Variants in VRK3 observed in about 807,000 individuals in gnomAD.
The protein encoded by VRK3 is VRK serine/threonine kinase 3.
VRK3 carries 50 observed loss-of-function variants against 60.4 expected under a neutral mutation model. The ratio of observed to expected loss-of-function variants is 0.83; its 90% CI spans 0.66 to 1.05. The LOEUF is 1.05. Ranked by LOEUF, VRK3 falls within the 50% of genes least tolerant of loss-of-function variation. The pLI is 0.00. For synonymous variants in VRK3, 246 were observed against 227.8 expected, an observed-to-expected ratio of 1.08 and a Z score of -0.72; for missense variants, 549 against 585.3, an observed-to-expected ratio of 0.94 and a Z score of 0.64.
intron 12 of VRK3, among the ~76,000 whole-genome samples, chr19:49,986,040 TAATA>T (rs1001640916): frequency 1.8e-4 from 28 of 152,292 alleles, no homozygotes; most frequent in African/African-American, 6.3e-4. Context: ...GACAAGTGTA[TAATA>T]AATGTTAGCT....
At chr19:50,023,429 C>T (rs1056113191) in intron 1 of VRK3, among the ~76,000 whole-genome samples, 2 of 152,334 alleles carry the variant, frequency 1.3e-5, no homozygotes, top group South Asian at 4.1e-4. Context: ...AGGTGATCCC[C>T]CTCAGCCTCC....
At chr19:50,015,903 TG>T in intron 3 of VRK3, 120 bp downstream of exon 3, 1 of 1,391,218 alleles carries the variant, frequency 7.2e-7, no homozygotes, top group Non-Finnish European at 1.0e-6. Context: ...TCCTGAGGCC[TG>T]GGCTTCTCCA....
rs192735691 is a variant in VRK3, at chr19:50,014,172, C to G, written c.139+1852G>C. Among the ~76,000 whole-genome samples the G allele has an allele frequency of 7.4e-4, 112 of 152,218 alleles. 2 individuals are homozygous for G. The East Asian group carries it at 0.02, about 27-fold the overall frequency. On this transcript the variant is annotated intron_variant, in intron 3 of 14. Transcript: ENST00000316763. Reference sequence around the variant, plus strand: ...ATCCCAACTACTCGGGAGACTGAGGCACAAGAATCACTTGAACTCGGGAGG... The same window carrying G: ...ATCCCAACTACTCGGGAGACTGAGGGACAAGAATCACTTGAACTCGGGAGG...
chr19:49,998,118 C>G (rs2076737117), intron 6 of VRK3: 1 of 152,214 alleles, frequency 6.6e-6, no homozygotes, highest in Admixed American at 6.5e-5. Flanking sequence ...TGGAAAACTG[C>G]CCCTGACTTT....
intron 3 of VRK3, among the ~76,000 whole-genome samples, chr19:50,014,075 T>C (rs1292781588): frequency 6.6e-6 from 1 of 151,964 alleles, no homozygotes; most frequent in African/African-American, 2.4e-5. Flanking sequence ...AAGACCAGCC[T>C]GGCCAACGTG....
In VRK3 at chr19:49,980,910, G is replaced by A. The variant is rs369137874; in HGVS notation, c.1276+45C>T. 91 of 1,568,790 alleles carry A rather than the reference G, an allele frequency of 5.8e-5. No homozygotes were observed. The African/African-American group carries it at 1.1e-3, about 20-fold the overall frequency. Reference sequence around the variant, plus strand: ...CCCCAAGATGGATCTGAGCCACCAGGTCCTGCCCGAGTCCCCGCCTGTTCC... The same window carrying A: ...CCCCAAGATGGATCTGAGCCACCAGATCCTGCCCGAGTCCCCGCCTGTTCC... On this transcript the variant is annotated intron_variant, in intron 13 of 14. Coordinates refer to ENST00000316763, the MANE Select transcript of VRK3 (RefSeq NM_016440.4).
chr19:49,989,908 A>C (rs2076581437), intron 10 of VRK3, 137 bp from the exon 11 acceptor site: 1 of 1,057,294 alleles, frequency 9.5e-7, no homozygotes, highest in Admixed American at 3.5e-5. Flanking sequence ...GCATGCTCAT[A>C]GTAAAAATGA....
Position 49,992,867 on chromosome 19 carries a change from T to C in VRK3, c.956A>G (p.Gln319Arg), listed in dbSNP as rs2123121795. The change falls in exon 10 of 15, where the codon CAG (glutamine) becomes CGG (arginine). Residue 319 changes from glutamine (Q) to arginine (R), a missense_variant. Transcript: ENST00000316763. ...AENIFVDPED[Q>R]SQVTLAGYGF... ...GCAGGAGCTGGCTCTTACCTGACTCTGGTCCTCTGGATCCACAAAGATATT... is the reference window on the plus strand; with the variant it reads ...GCAGGAGCTGGCTCTTACCTGACTCCGGTCCTCTGGATCCACAAAGATATT... The C allele has an allele frequency of 6.2e-7, 1 of 1,614,096 alleles. No individual in the cohort carries two copies. Among genetic ancestry groups the C allele is most frequent in the Admixed American group, 1.7e-5 (1 of 60,030 alleles).
chr19:49,985,569 CCCA>C (rs2076499299), intron 12 of VRK3, among the ~76,000 whole-genome samples: 1 of 152,182 alleles, frequency 6.6e-6, no homozygotes, highest in African/African-American at 2.4e-5. Flanking sequence ...GCTGCACACC[CCCA>C]CCAACAGTCC....
At chr19:49,990,466 A>G (rs2123098822) in intron 10 of VRK3, among the ~76,000 whole-genome samples, 1 of 152,210 alleles carries the variant, frequency 6.6e-6, no homozygotes, top group East Asian at 1.9e-4. Context: ...GGCTCACTGC[A>G]GCCTCCTAGG....
intron 5 of VRK3, 191 bp from the exon 6 acceptor site, chr19:50,001,045 T>G: frequency 1.7e-6 from 1 of 572,888 alleles, no homozygotes; most frequent in Non-Finnish European, 3.1e-6. Context: ...TCTCTGTCAC[T>G]ATCCAGCCAT....
chr19:50,004,954 A>T (rs1485596290), intron 5 of VRK3, among the ~76,000 whole-genome samples: 1 of 138,102 alleles, frequency 7.2e-6, no homozygotes, highest in Non-Finnish European at 1.5e-5. Context: ...CCTAGGTGTT[A>T]GCCACGGCCC....
chr19:50,001,032 TTC>T (rs1281069257), intron 5 of VRK3, 178 bp from the exon 6 acceptor site: 1 of 598,446 alleles, frequency 1.7e-6, no homozygotes. Context: ...TTCTTCCTCT[TTC>T]TCTCTGTCAC....
intron 6 of VRK3, 110 bp downstream of exon 6, chr19:50,000,680 C>T: frequency 7.5e-7 from 1 of 1,324,750 alleles, no homozygotes; most frequent in Non-Finnish European, 1.1e-6. Context: ...CAGGTGGGGA[C>T]CCTGGCCCCC....
chr19:50,005,449 C>G (rs552084344), intron 5 of VRK3, among the ~76,000 whole-genome samples: 1 of 149,700 alleles, frequency 6.7e-6, no homozygotes, highest in South Asian at 2.1e-4. Context: ...AGCCCAGAGC[C>G]TAATAATTCA....
At chr19:50,004,873 G>A (rs1371211950) in intron 5 of VRK3, among the ~76,000 whole-genome samples, 1 of 151,780 alleles carries the variant, frequency 6.6e-6, no homozygotes, top group Non-Finnish European at 1.5e-5. Context: ...TTGCACAACC[G>A]CACTCCAGCC....
Position 50,010,369 on chromosome 19 carries a change from C to CT in VRK3, c.140-985dup, listed in dbSNP as rs57506434. On this transcript the variant is annotated intron_variant, in intron 3 of 14. Transcript: ENST00000316763. The stretch of plus-strand genomic sequence containing the variant: ...TTGTTTCTGCTGACTCTCCAGCTAG[C>CT]TTATTTCCTGGTGTCTTTGTAAATC... Among the ~76,000 whole-genome samples, 1,750 of 152,304 alleles carry CT rather than the reference C, an allele frequency of 0.011. 79 individuals are homozygous for CT. In the East Asian group the frequency reaches 0.12, roughly 10 times the overall value.
In VRK3 at chr19:49,997,733, G is replaced by A. The variant is rs538203978; in HGVS notation, c.613-163C>T. ...GTACTGCACACAAACACACATCAGAGACTGCGAGCTACCTTGCTGTACCCA... is the reference window on the plus strand; with the variant it reads ...GTACTGCACACAAACACACATCAGAAACTGCGAGCTACCTTGCTGTACCCA... On this transcript the variant is annotated intron_variant, in intron 6 of 14. Coordinates refer to ENST00000316763, the MANE Select transcript of VRK3 (RefSeq NM_016440.4). The A allele has an allele frequency of 2.5e-4, 161 of 648,422 alleles. No homozygotes were observed. In the African/African-American group the frequency reaches 2.7e-3, roughly 11 times the overall value. 40.2% of individuals were successfully genotyped at this position (648,422 alleles called of 1,614,324 possible).
At chr19:50,006,518 G>A (rs1339300392) in intron 5 of VRK3, among the ~76,000 whole-genome samples, 3 of 151,656 alleles carry the variant, frequency 2.0e-5, no homozygotes, top group Non-Finnish European at 4.4e-5. Flanking sequence ...TGGGACTACA[G>A]GTGCCAGCCA....
Sources: allele counts gnomAD v4.1 joint callset (sites outside exome capture counted in the v4.1 genomes callset), GRCh38; gene constraint gnomAD v4.1.1; transcripts MANE v1.5; gene names NCBI Gene and HGNC (gene_info 2026-07-23, HGNC 2026-07-21).